The following SCAMP2 variants were observed in gnomAD, a reference collection of about 807,000 sequenced individuals.
The protein encoded by SCAMP2 is secretory carrier membrane protein 2.
In SCAMP2, 25 loss-of-function variants were observed where a neutral mutation model predicts 44.1. The observed-to-expected ratio is 0.57, with a 90% confidence interval of 0.41 to 0.79. The LOEUF (loss-of-function observed/expected upper bound fraction) is 0.79, where lower values mean the gene tolerates loss of function less well. Among genes scored for constraint, SCAMP2 ranks in the 30% least tolerant of loss-of-function variants. The pLI is 0.00. For missense variants in SCAMP2, 355 were observed against 411.0 expected (o/e 0.86, Z 1.18); for synonymous variants, 156 against 166.0 (o/e 0.94, Z 0.46).
intron 7 of SCAMP2, among the ~76,000 whole-genome samples, chr15:74,847,291 T>C (rs1045724234): frequency 6.6e-6 from 1 of 152,118 alleles, no homozygotes; most frequent in Non-Finnish European, 1.5e-5. Context: ...GGTTTTGCCA[T>C]GTTGGCCAGG....
chr15:74,873,227 G>C lies in SCAMP2; in HGVS notation c.29C>G (p.Ala10Gly). Residue 10 changes from alanine (A) to glycine (G), a missense_variant, in exon 1 of 9, where the codon GCG becomes GGG. Transcript: ENST00000268099. MSAFDTNPFADPVDVNPFQD... is the reference protein window; with the variant it reads MSAFDTNPFGDPVDVNPFQD... ...GAAGGGGTTTACATCCACTGGGTCC[G>C]CGAAGGGGTTGGTGTCGAAAGCCGA... 1 of 1,460,590 alleles carries C rather than the reference G, an allele frequency of 6.8e-7. No individual in the cohort carries two copies. Among genetic ancestry groups the C allele is most frequent in the Non-Finnish European group, 9.0e-7 (1 of 1,113,392 alleles). The allele number at this position is 1,460,590 out of a possible 1,614,324, so 90.5% of individuals were successfully genotyped here.
At chr15:74,856,530 C>G (rs2064470100) in intron 1 of SCAMP2, among the ~76,000 whole-genome samples, 1 of 151,414 alleles carries the variant, frequency 6.6e-6, no homozygotes, top group African/African-American at 2.4e-5. Context: ...TCACCTCAGC[C>G]TCCCAAAGTA....
chr15:74,866,006 GGAA>G (rs2064540817), intron 1 of SCAMP2, among the ~76,000 whole-genome samples: 2 of 55,650 alleles, frequency 3.6e-5, no homozygotes, highest in Admixed American at 4.9e-4. Context: ...AAGGAAGGAA[GGAA>G]GGAAGGAAAG....
At chr15:74,857,318 G>A (rs1228462996) in intron 1 of SCAMP2, among the ~76,000 whole-genome samples, 2 of 152,200 alleles carry the variant, frequency 1.3e-5, no homozygotes, top group African/African-American at 4.8e-5. Flanking sequence ...AGTTCAGGAG[G>A]CTCTGTGTTG....
At chr15:74,865,751 C>A (rs1422662382) in intron 1 of SCAMP2, among the ~76,000 whole-genome samples, 1 of 127,518 alleles carries the variant, frequency 7.8e-6, no homozygotes, top group Non-Finnish European at 1.6e-5. Context: ...GAGTTCGAGA[C>A]TAGCCTGGGC....
intron 4 of SCAMP2, 46 bp downstream of exon 4, chr15:74,852,023 T>G (rs779433213): frequency 3.6e-6 from 5 of 1,398,460 alleles, no homozygotes. Context: ...CAGGACACTC[T>G]TCTATGCCAG....
At chr15:74,872,411 T>C (rs1048847881) in intron 1 of SCAMP2, among the ~76,000 whole-genome samples, 4 of 144,340 alleles carry the variant, frequency 2.8e-5, no homozygotes, top group Non-Finnish European at 6.1e-5. Flanking sequence ...AGACTCCGTC[T>C]CAAAAAAAAA....
Position 74,845,549 on chromosome 15 carries a change from GCCAGGGAATGATTAT to G in SCAMP2, c.764_778del (p.Asp255_Leu259del). ...CACCACCATCATGATGACTGATATG[GCCAGGGAATGATTAT>G]CCAGTGTAGACAGGGCTGCAATCCA... is the stretch of plus-strand genomic sequence containing the variant. On this transcript the variant is annotated inframe_deletion, in exon 8 of 9. Transcript: ENST00000268099. The G allele has an allele frequency of 6.2e-7, 1 of 1,614,118 alleles. No individual in the cohort carries two copies. The highest frequency in any genetic ancestry group is 8.5e-7 in the Non-Finnish European group (1 of 1,180,002).
At chr15:74,863,435 C>G (rs2064521823) in intron 1 of SCAMP2, among the ~76,000 whole-genome samples, 1 of 150,884 alleles carries the variant, frequency 6.6e-6, no homozygotes, top group South Asian at 2.1e-4. Context: ...TGCCTGAGCC[C>G]AGGAGGTCGA....
At chr15:74,854,283 G>A (rs1596416523) in intron 2 of SCAMP2, among the ~76,000 whole-genome samples, 164 bp from the exon 3 acceptor site, 1 of 152,338 alleles carries the variant, frequency 6.6e-6, no homozygotes, top group Non-Finnish European at 1.5e-5. Context: ...CAAGCCTCAG[G>A]TTCAGGCCAT....
intron 1 of SCAMP2, among the ~76,000 whole-genome samples, chr15:74,855,655 G>A (rs577194322): frequency 8.0e-4 from 118 of 146,894 alleles, no homozygotes; most frequent in South Asian, 5.8e-3. Context: ...GGCAGAGGTT[G>A]CAGTGAGCCC....
At chr15:74,861,236 CAG>C (rs565307773) in intron 1 of SCAMP2, among the ~76,000 whole-genome samples, 92 of 152,190 alleles carry the variant, frequency 6.0e-4, no homozygotes, top group African/African-American at 2.1e-3. Flanking sequence ...TGCTGAGAGG[CAG>C]AGAGTCAGCA....
At chr15:74,871,698 G>A (rs181914089) in intron 1 of SCAMP2, among the ~76,000 whole-genome samples, 91 of 152,078 alleles carry the variant, frequency 6.0e-4, no homozygotes, top group African/African-American at 2.1e-3. Context: ...GTTGCAGTGA[G>A]CCGAGATCGC....
chr15:74,866,615 C>T (rs2064545787), intron 1 of SCAMP2, among the ~76,000 whole-genome samples: 1 of 151,792 alleles, frequency 6.6e-6, no homozygotes, highest in African/African-American at 2.4e-5. Flanking sequence ...GGGAGTGTGA[C>T]TCTGTCTCAA....
At chr15:74,872,223 G>C (rs991428054) in intron 1 of SCAMP2, among the ~76,000 whole-genome samples, 7 of 151,982 alleles carry the variant, frequency 4.6e-5, no homozygotes, top group Admixed American at 1.3e-4. Flanking sequence ...GACCAGCCTG[G>C]CCAACACGGT....
At position 74,852,196 on chromosome 15, in the gene SCAMP2, A is replaced by C. The variant is rs1422551498; in HGVS notation, c.226-10T>G. Reference sequence around the variant, plus strand: ...CTGCAGACACCACGGCCTGGAGAGAACAGGGGAGGTACAGGGACAGCCAGA... The same window carrying C: ...CTGCAGACACCACGGCCTGGAGAGACCAGGGGAGGTACAGGGACAGCCAGA... On this transcript the variant is annotated splice_polypyrimidine_tract_variant and intron_variant, in intron 3 of 8. Coordinates refer to ENST00000268099, the MANE Select transcript of SCAMP2 (RefSeq NM_005697.5). 1 of 1,493,900 alleles carries C rather than the reference A, an allele frequency of 6.7e-7. No homozygotes were observed. The highest frequency in any genetic ancestry group is 1.4e-5 in the African/African-American group (1 of 70,126). 92.5% of individuals were successfully genotyped at this position (1,493,900 alleles called of 1,614,324 possible).
At chr15:74,853,368 CTTCGG>C (rs1479342951) in intron 3 of SCAMP2, 4 of 456,030 alleles carry the variant, frequency 8.8e-6, no homozygotes, top group Non-Finnish European at 1.8e-5. Flanking sequence ...TTAGGCCTAC[CTTCGG>C]AAGCTTTCGC....
chr15:74,867,453 C>A (rs1029962236), intron 1 of SCAMP2, among the ~76,000 whole-genome samples: 4 of 152,244 alleles, frequency 2.6e-5, no homozygotes, highest in Non-Finnish European at 5.9e-5. Flanking sequence ...ACCATAAAGG[C>A]AGGAATCCTA....
chr15:74,871,603 T>C (rs2064575729), intron 1 of SCAMP2, among the ~76,000 whole-genome samples: 1 of 149,882 alleles, frequency 6.7e-6, no homozygotes, highest in Non-Finnish European at 1.5e-5. Context: ...AAATACAAAA[T>C]TAGCCGGTCG....
Sources: gnomAD v4.1 joint callset for allele counts (sites outside exome capture counted in the v4.1 genomes callset) on GRCh38, gnomAD v4.1.1 for gene constraint, MANE v1.5 for transcripts, NCBI Gene and HGNC (gene_info 2026-07-23, HGNC 2026-07-21) for gene names.